The following AGBL1 variants were observed in gnomAD, a reference collection of about 807,000 sequenced individuals.
AGBL1 encodes the protein AGBL carboxypeptidase 1, also known as cytosolic carboxypeptidase 4.
AGBL1 carries 130 observed loss-of-function variants against 118.9 expected under a neutral mutation model. That is an observed-to-expected ratio of 1.09 (90% CI 0.95 to 1.26). AGBL1 has a LOEUF of 1.26. Among genes scored for constraint, AGBL1 ranks in the 50% most tolerant of loss-of-function variants. The pLI, the probability that AGBL1 is intolerant of heterozygous loss-of-function variation, is 0.00. For synonymous variants in AGBL1, 555 were observed against 478.9 expected (o/e 1.16, Z -2.08); for missense variants, 1,584 against 1,298.1 (o/e 1.22, Z -3.38).
chr15:86,635,309 TCC>T (rs2085062927), intron 21 of AGBL1, among the ~76,000 whole-genome samples: 3 of 3,418 alleles, frequency 8.8e-4, no homozygotes, highest in Non-Finnish European at 1.9e-3. Flanking sequence ...CCCCTCCTCC[TCC>T]TCCTCCTCCT....
chr15:86,502,042 A>G (rs2142161739), intron 18 of AGBL1, among the ~76,000 whole-genome samples: 1 of 151,726 alleles, frequency 6.6e-6, no homozygotes, highest in East Asian at 1.9e-4. Context: ...AAGTAGTGCC[A>G]TTTTAATATC....
chr15:86,172,795 G>C (rs1171384738), intron 5 of AGBL1, among the ~76,000 whole-genome samples: 1 of 152,176 alleles, frequency 6.6e-6, no homozygotes, highest in Non-Finnish European at 1.5e-5. Flanking sequence ...CTTGCGAATA[G>C]TGCTGCAATA....
At chr15:86,109,810 C>T (rs953003573) in intron 1 of AGBL1, 2 of 152,226 alleles carry the variant, frequency 1.3e-5, no homozygotes, top group African/African-American at 4.8e-5. Context: ...TGCTCGTGAT[C>T]GTGGGACCTT....
chr15:86,344,298 T>C (rs16976028), intron 17 of AGBL1, among the ~76,000 whole-genome samples: 3,155 of 152,292 alleles, frequency 0.021, 102 homozygotes, highest in African/African-American at 0.073. Flanking sequence ...AGCGTTCTTT[T>C]CCAAAGCTTC....
Position 86,554,401 on chromosome 15 carries a change from C to A in AGBL1, c.2858C>A (p.Thr953Lys), listed in dbSNP as rs1433567047. 1.3e-6 allele frequency: 2 copies of A among 1,587,516 alleles called. No individual in the cohort carries two copies. The highest frequency in any genetic ancestry group is 2.3e-5 in the East Asian group (1 of 44,098). Residue 953 changes from threonine (T) to lysine (K), a missense_variant, in exon 21 of 23, where the codon ACA (threonine) becomes AAA (lysine). By Grantham distance (78) the Thr-to-Lys change is moderately conservative (BLOSUM62 -1). Transcript: ENST00000614907. ...CTTGATAAGCTAGCACCAGCATTCA[C>A]AATGAGCAGCTGCAGCTTTCTCGTG... Reference protein sequence around the residue: ...KILDKLAPAFTMSSCSFLVEK... With the variant: ...KILDKLAPAFKMSSCSFLVEK...
chr15:86,608,568 G>A (rs1014518753), intron 21 of AGBL1, among the ~76,000 whole-genome samples: 8 of 152,244 alleles, frequency 5.3e-5, no homozygotes, highest in Admixed American at 3.3e-4. Context: ...CAAAGCAAAG[G>A]AGGCCTTGAA....
Position 86,735,024 on chromosome 15 carries a change from AGGC to A in AGBL1, c.3158+60589_3158+60591del, listed in dbSNP as rs1277249273. ...TGTGCTCATACCTTGATATGTTCAT[AGGC>A]ATCATACTCAGTGTGAAATAAAGAT... On this transcript the variant is annotated intron_variant, in intron 22 of 22. Transcript: ENST00000614907. Among the ~76,000 whole-genome samples the A allele has an allele frequency of 7.2e-3, 1,093 of 152,164 alleles. 5 individuals carry two copies. The highest frequency in any genetic ancestry group is 0.022 in the African/African-American group (928 of 41,472).
intron 17 of AGBL1, among the ~76,000 whole-genome samples, chr15:86,335,141 A>ATT (rs60369177): frequency 1.3e-4 from 19 of 146,396 alleles, no homozygotes; most frequent in East Asian, 8.1e-4. Flanking sequence ...AGATTAAGTT[A>ATT]TTTTTTTTTT....
chr15:86,230,889 G>C (rs941690106), intron 6 of AGBL1, among the ~76,000 whole-genome samples: 1 of 152,154 alleles, frequency 6.6e-6, no homozygotes, highest in African/African-American at 2.4e-5. Context: ...GCCCCAAGGC[G>C]GCCTCTGAGA....
intron 18 of AGBL1, among the ~76,000 whole-genome samples, chr15:86,497,527 A>G (rs186297968): frequency 5.3e-5 from 8 of 152,072 alleles, no homozygotes; most frequent in Admixed American, 1.3e-4. Context: ...TTTCACTGAA[A>G]TGTGTCCTCC....
At chr15:86,405,491 A>G (rs1174667099) in intron 18 of AGBL1, among the ~76,000 whole-genome samples, 1 of 152,064 alleles carries the variant, frequency 6.6e-6, no homozygotes, top group African/African-American at 2.4e-5. Flanking sequence ...TGGGCAACAG[A>G]GTGAGACTCT....
intron 22 of AGBL1, among the ~76,000 whole-genome samples, chr15:86,734,361 G>A (rs1005443324): frequency 3.3e-5 from 5 of 152,178 alleles, no homozygotes; most frequent in African/African-American, 1.2e-4. Context: ...ATAGGAAGAA[G>A]TATGGCATGA....
At chr15:86,687,336 A>G (rs973502470) in intron 22 of AGBL1, among the ~76,000 whole-genome samples, 7 of 152,034 alleles carry the variant, frequency 4.6e-5, no homozygotes, top group African/African-American at 1.4e-4. Flanking sequence ...TCTGTAGCCA[A>G]CAACCAAGAA....
chr15:86,178,985 G>A (rs1466351935), intron 5 of AGBL1, among the ~76,000 whole-genome samples: 1 of 152,188 alleles, frequency 6.6e-6, no homozygotes, highest in Admixed American at 6.5e-5. Context: ...CAAAGCATGC[G>A]AAGGGTAGAG....
At chr15:86,112,841 T>C (rs923419654) in intron 1 of AGBL1, among the ~76,000 whole-genome samples, 5 of 152,160 alleles carry the variant, frequency 3.3e-5, no homozygotes, top group Admixed American at 6.5e-5. Flanking sequence ...TGATTACTAA[T>C]GTAACTGATT....
chr15:86,993,170 T>C (rs2081349880), intron 24 of AGBL1, among the ~76,000 whole-genome samples: 1 of 152,236 alleles, frequency 6.6e-6, no homozygotes, highest in Non-Finnish European at 1.5e-5. Flanking sequence ...AATAAACTGC[T>C]ACAAATTAAA....
In AGBL1 at chr15:86,256,898, C is replaced by A; in HGVS notation, c.781C>A (p.Leu261Ile). 6.2e-7 allele frequency: 1 copy of A among 1,613,896 alleles called. No individual in the cohort carries two copies. The highest frequency in any genetic ancestry group is 2.2e-5 in the East Asian group (1 of 44,870). ...CATGGAGCCCGTCATCTCTGTGGTGCTTCAGATCCTGAGGCAGTGCTACCC... is the reference window on the plus strand; with the variant it reads ...CATGGAGCCCGTCATCTCTGTGGTGATTCAGATCCTGAGGCAGTGCTACCC... ...KSMEPVISVVLQILRQCYPTS... is the reference protein window; with the variant it reads ...KSMEPVISVVIQILRQCYPTS... Residue 261 changes from leucine (L) to isoleucine (I), a missense_variant, in exon 8 of 23, where the codon CTT becomes ATT. Leu to Ile is a conservative substitution (Grantham distance 5). Coordinates refer to ENST00000614907, the MANE Select transcript of AGBL1 (RefSeq NM_001386094.1).
intron 22 of AGBL1, among the ~76,000 whole-genome samples, chr15:86,870,484 A>AAAAAAAAAAAAAAAAAAAAAAAAC (rs2079709616): frequency 8.6e-6 from 1 of 115,952 alleles, no homozygotes; most frequent in African/African-American, 2.8e-5. Flanking sequence ...AAAAAAAAAA[A>AAAAAAAAAAAAAAAAAAAAAAAAC]AAAAAAAAAA....
chr15:86,780,657 C>CTTTTTTTTTT (rs71144066), intron 22 of AGBL1, among the ~76,000 whole-genome samples: 1 of 143,004 alleles, frequency 7.0e-6, no homozygotes, highest in Non-Finnish European at 1.5e-5. Context: ...TCTTTAACTT[C>CTTTTTTTTTT]TTTTTTTTTT....
Sources: allele counts gnomAD v4.1 joint callset (sites outside exome capture counted in the v4.1 genomes callset), GRCh38; gene constraint gnomAD v4.1.1; transcripts MANE v1.5; gene names NCBI Gene and HGNC (gene_info 2026-07-23, HGNC 2026-07-21).